Variants in RGS7 observed in about 807,000 individuals in gnomAD.
RGS7 encodes regulator of G protein signaling 7.
Under a neutral mutation model 81.1 loss-of-function variants are expected in RGS7, and 27 were observed. The ratio of observed to expected loss-of-function variants is 0.33; its 90% CI spans 0.25 to 0.46. RGS7 has a LOEUF of 0.46. RGS7 is among the 20% of genes least tolerant of loss of function. The pLI is 1.00. For missense variants in RGS7, 396 were observed against 607.4 expected (o/e 0.65, Z 3.66); for synonymous variants, 208 against 207.7 (o/e 1.00, Z -0.01).
At chr1:241,279,641 T>G (rs181532228) in intron 2 of RGS7, among the ~76,000 whole-genome samples, 1 of 152,292 alleles carries the variant, frequency 6.6e-6, no homozygotes, top group African/African-American at 2.4e-5. Context: ...GAAATTGGCA[T>G]AGTGAAGAGA....
chr1:240,912,044 G>A (rs1030355475), intron 6 of RGS7, among the ~76,000 whole-genome samples: 28 of 150,432 alleles, frequency 1.9e-4, no homozygotes, highest in Admixed American at 1.3e-3. Context: ...CCAGCTACTC[G>A]GGAGGGTGAG....
At position 241,163,372 on chromosome 1, in the gene RGS7, G is replaced by A. The variant is rs938778752; in HGVS notation, c.79-64610C>T. On this transcript the variant is annotated intron_variant, in intron 2 of 18. Transcript: ENST00000440928. This position sits in a 1 kb window ranked among gnomAD's most constrained non-coding sequence, Gnocchi z 4.6. ...ATCCTTCTCGGACATATTTTGAGAT[G>A]GATGTTCAGAGGGCCAGCAGATAGA... Among the ~76,000 whole-genome samples, 1 of 152,170 alleles carries A rather than the reference G, an allele frequency of 6.6e-6. No homozygotes were observed. Among genetic ancestry groups the A allele is most frequent in the Non-Finnish European group, 1.5e-5 (1 of 68,038 alleles).
In RGS7 at chr1:241,180,335, A is replaced by G. The variant is rs371934942; in HGVS notation, c.79-81573T>C. Among the ~76,000 whole-genome samples, 108 of 152,256 alleles carry G rather than the reference A, an allele frequency of 7.1e-4. 2 individuals carry two copies. The East Asian group carries it at 0.019, about 26-fold the overall frequency. On this transcript the variant is annotated intron_variant, in intron 2 of 18. Transcript: ENST00000440928. ...GATTGCAGTGAGCTGAGATGGCGCC[A>G]CTGCACTCCAGCCTGGGCAACAGAG...
intron 18 of RGS7, among the ~76,000 whole-genome samples, chr1:240,793,583 A>G (rs1163525318): frequency 8.5e-6 from 1 of 117,154 alleles, no homozygotes; most frequent in East Asian, 2.3e-4. Context: ...AAGGTGTAGT[A>G]GGAATATATA....
chr1:240,910,301 C>G (rs917260582), intron 6 of RGS7, among the ~76,000 whole-genome samples: 2 of 152,050 alleles, frequency 1.3e-5, no homozygotes, highest in Non-Finnish European at 2.9e-5. Flanking sequence ...CCCTTGAAAC[C>G]GGAAGACATT....
chr1:240,895,454 C>T lies in RGS7; in HGVS notation c.386-25335G>A, dbSNP rs1355310110. ...CCCTCCCCCCTCCTCCACCCCATGA[C>T]AGGCCCCGGTGTGTGATGTTCCCCA... is the stretch of plus-strand genomic sequence containing the variant. On this transcript the variant is annotated intron_variant, in intron 6 of 18. Transcript: ENST00000440928. 2.0e-5 allele frequency among the ~76,000 whole-genome samples: 3 copies of T among 151,842 alleles called. 1 individual carries two copies. In the Middle Eastern group the frequency reaches 9.5e-3, roughly 481 times the overall value.
chr1:240,941,675 T>G (rs1258345435), intron 4 of RGS7, among the ~76,000 whole-genome samples: 1 of 151,984 alleles, frequency 6.6e-6, no homozygotes, highest in Non-Finnish European at 1.5e-5. Context: ...AAGAATGGAC[T>G]TGGGGCAGTA....
intron 4 of RGS7, among the ~76,000 whole-genome samples, chr1:240,971,238 A>G (rs1004638020): frequency 4.6e-5 from 7 of 152,304 alleles, no homozygotes; most frequent in African/African-American, 1.7e-4. Context: ...CTCAGCAGAC[A>G]CAAAGGCCAC....
intron 2 of RGS7, among the ~76,000 whole-genome samples, chr1:241,280,179 A>G (rs2078425658): frequency 6.6e-6 from 1 of 152,186 alleles, no homozygotes. Context: ...GTGTCCATAT[A>G]AAAAGGGGAA....
At chr1:241,274,255 C>G (rs2078074646) in intron 2 of RGS7, among the ~76,000 whole-genome samples, 1 of 152,132 alleles carries the variant, frequency 6.6e-6, no homozygotes, top group African/African-American at 2.4e-5. Context: ...TGTACTGGTA[C>G]TAGTACTTGG....
intron 18 of RGS7, among the ~76,000 whole-genome samples, chr1:240,799,682 T>C (rs1687720961): frequency 6.6e-6 from 1 of 152,184 alleles, no homozygotes; most frequent in South Asian, 2.1e-4. Context: ...GGTCTGTGCA[T>C]AATTTTTATA....
At chr1:241,065,984 C>A (rs115264958) in intron 3 of RGS7, among the ~76,000 whole-genome samples, 1,829 of 152,154 alleles carry the variant, frequency 0.012, 42 homozygotes, top group African/African-American at 0.041. Context: ...AGAATAGTTA[C>A]TGAAGATACA....
intron 14 of RGS7, among the ~76,000 whole-genome samples, chr1:240,809,062 A>G (rs1689389572): frequency 6.6e-6 from 1 of 152,158 alleles, no homozygotes; most frequent in African/African-American, 2.4e-5. Context: ...AATGTATACT[A>G]ATGATATAAA....
At chr1:240,904,931 TGA>T (rs1670581510) in intron 6 of RGS7, among the ~76,000 whole-genome samples, 1 of 152,202 alleles carries the variant, frequency 6.6e-6, no homozygotes, top group African/African-American at 2.4e-5. Context: ...TTCTAAAGCA[TGA>T]TAGGGTGCTT....
At chr1:241,194,623 C>T (rs541909640) in intron 2 of RGS7, among the ~76,000 whole-genome samples, 2 of 152,290 alleles carry the variant, frequency 1.3e-5, no homozygotes, top group South Asian at 2.1e-4. Context: ...ATGAAGCTAA[C>T]TTCTGCTTAT....
intron 2 of RGS7, among the ~76,000 whole-genome samples, chr1:241,201,546 T>A (rs1282522648): frequency 6.6e-6 from 1 of 152,190 alleles, no homozygotes; most frequent in South Asian, 2.1e-4. Context: ...CAAAGTGATA[T>A]GTATCCTTAA....
At chr1:240,872,997 T>A (rs926978138) in intron 6 of RGS7, among the ~76,000 whole-genome samples, 3 of 151,988 alleles carry the variant, frequency 2.0e-5, no homozygotes, top group African/African-American at 4.8e-5. Flanking sequence ...GAGAATCACA[T>A]GAACCCAGGA....
In RGS7 at chr1:241,345,726, A is replaced by G. The variant is rs964875836; in HGVS notation, c.78+9973T>C. 3.3e-5 allele frequency among the ~76,000 whole-genome samples: 5 copies of G among 152,268 alleles called. No individual in the cohort carries two copies. In the East Asian group the frequency reaches 9.6e-4, roughly 29 times the overall value. ...CAAATCAAAGAAGCAACAAATCACA[A>G]TAAAAAATTTAATACTTAAGGCCAG... is the stretch of plus-strand genomic sequence containing the variant. On this transcript the variant is annotated intron_variant, in intron 2 of 18. Transcript: ENST00000440928.
intron 4 of RGS7, among the ~76,000 whole-genome samples, chr1:240,971,017 G>A (rs1381470655): frequency 7.9e-5 from 12 of 152,062 alleles, no homozygotes; most frequent in Admixed American, 7.9e-4. Context: ...AAAAATAAAT[G>A]TACAAGATAC....
Sources: gnomAD v4.1 joint callset for allele counts (sites outside exome capture counted in the v4.1 genomes callset) on GRCh38, gnomAD v4.1.1 for gene constraint, Gnocchi (gnomAD v3.1) non-coding constraint, MANE v1.5 for transcripts, NCBI Gene and HGNC (gene_info 2026-07-23, HGNC 2026-07-21) for gene names.